The following KRT85 variants were observed in gnomAD, a reference collection of about 807,000 sequenced individuals.
KRT85 encodes keratin, type II cuticular Hb5.
Under a neutral mutation model 53.7 loss-of-function variants are expected in KRT85, and 39 were observed. That is an observed-to-expected ratio of 0.73 (90% CI 0.56 to 0.95). KRT85 has a LOEUF of 0.95. Ranked by LOEUF, KRT85 falls within the 40% of genes least tolerant of loss-of-function variation. KRT85 has a pLI of 0.00. For missense variants in KRT85, 668 were observed against 686.0 expected, an observed-to-expected ratio of 0.97 and a Z score of 0.29; for synonymous variants, 291 against 277.5, an observed-to-expected ratio of 1.05 and a Z score of -0.48.
At chr12:52,363,793 A>G (rs1214635688) in intron 4 of KRT85, among the ~76,000 whole-genome samples, 1 of 152,156 alleles carries the variant, frequency 6.6e-6, no homozygotes, top group Non-Finnish European at 1.5e-5. Flanking sequence ...TCTCTTGCCC[A>G]TCTGTAGACT....
intron 1 of KRT85, among the ~76,000 whole-genome samples, chr12:52,365,478 T>C (rs1433939538): frequency 6.6e-6 from 1 of 152,236 alleles, no homozygotes; most frequent in Admixed American, 6.5e-5. Context: ...CTTAGCACTG[T>C]TGTGAAGCTT....
chr12:52,363,535 C>T (rs1436093344), intron 4 of KRT85, 125 bp from the exon 5 acceptor site: 3 of 1,000,592 alleles, frequency 3.0e-6, no homozygotes, highest in Non-Finnish European at 3.1e-6. Context: ...ACTCCTGCTC[C>T]TACCACCTTC....
chr12:52,362,171 C>G, intron 7 of KRT85, 80 bp downstream of exon 7: 1 of 1,591,688 alleles, frequency 6.3e-7, no homozygotes, highest in Non-Finnish European at 8.6e-7. Flanking sequence ...AGTTGTAGCT[C>G]ACACTCAGCT....
In KRT85 at chr12:52,362,859, A is replaced by T; in HGVS notation, c.1072T>A (p.Cys358Ser). The change falls in exon 6 of 9, where the codon TGC becomes AGC. Residue 358 changes from cysteine to serine, a missense_variant. Cys to Ser is a moderately radical substitution (Grantham distance 112). Coordinates refer to ENST00000257901, the MANE Select transcript of KRT85 (RefSeq NM_002283.4). ...RLTAEIENAKCQRAKLEAAVA... is the reference protein window; with the variant it reads ...RLTAEIENAKSQRAKLEAAVA... ...GAATCCTCCACAGACCCCACCTGGC[A>T]CTTGGCATTCTCAATCTCGGCCGTC... 4.3e-6 allele frequency: 7 copies of T among 1,614,138 alleles called. No homozygotes were observed. Among genetic ancestry groups the T allele is most frequent in the Non-Finnish European group, 5.9e-6 (7 of 1,180,028 alleles).
rs553783315 is a variant in KRT85 at position 52,360,533 on chromosome 12, C to T, written c.*320G>A. The T allele has an allele frequency of 1.1e-4, 43 of 386,500 alleles. No individual in the cohort carries two copies. The East Asian group carries it at 1.8e-3, about 16-fold the overall frequency. 23.9% of individuals were successfully genotyped at this position (386,500 alleles called of 1,614,324 possible). Reference sequence around the variant, plus strand: ...GGTGGAGCTTCCGTGCTGACCACCACGCTGGGGGACTGGTCTTGTCCCTGA... The same window carrying T: ...GGTGGAGCTTCCGTGCTGACCACCATGCTGGGGGACTGGTCTTGTCCCTGA... On this transcript the variant is annotated 3_prime_UTR_variant, in exon 9 of 9. Transcript: ENST00000257901.
intron 8 of KRT85, 33 bp downstream of exon 8, chr12:52,361,434 A>G: frequency 6.2e-7 from 1 of 1,610,700 alleles, no homozygotes; most frequent in Non-Finnish European, 8.5e-7. Context: ...CAAAAAAGCC[A>G]TTTTTCCAGG....
Position 52,362,887 on chromosome 12 carries a change from C to A in KRT85, c.1044G>T (p.Arg348Ser). Reference sequence around the variant, plus strand: ...TGGCATTCTCAATCTCGGCCGTCAGCCTCTGGATCATGCGGTTCAGCTCGT... The same window carrying A: ...TGGCATTCTCAATCTCGGCCGTCAGACTCTGGATCATGCGGTTCAGCTCGT... ...EINELNRMIQ[R>S]LTAEIENAKC... The change falls in exon 6 of 9, where the codon AGG becomes AGT. Residue 348 changes from arginine to serine, a missense_variant. Arg to Ser is a moderately radical substitution (Grantham distance 110, BLOSUM62 -1). Around this residue, in one of 3 missense-constraint regions of KRT85, gnomAD observed 488 missense variants for 498.1 expected, o/e 0.98. Coordinates refer to ENST00000257901, the MANE Select transcript of KRT85 (RefSeq NM_002283.4). 1 of 1,614,182 alleles carries A rather than the reference C, an allele frequency of 6.2e-7. No individual in the cohort carries two copies. The highest frequency in any genetic ancestry group is 8.5e-7 in the Non-Finnish European group (1 of 1,180,040).
chr12:52,367,148 G>T lies in KRT85; in HGVS notation c.258C>A (p.Gly86=), dbSNP rs767201385. ...CGRSFGYRSG[G]VCGPSPPCIT... is the part of the protein sequence containing the mutation. ...TGCATGGGGGGCTGGGTCCGCACACGCCCCCGGAGCGGTAGCCGAAGCTGC... is the reference window on the plus strand; with the variant it reads ...TGCATGGGGGGCTGGGTCCGCACACTCCCCCGGAGCGGTAGCCGAAGCTGC... The change falls in exon 1 of 9, where the codon GGC becomes GGA. Residue 86 remains glycine (G), a synonymous_variant. Coordinates refer to ENST00000257901, the MANE Select transcript of KRT85 (RefSeq NM_002283.4). 6.2e-7 allele frequency: 1 copy of T among 1,613,498 alleles called. No individual in the cohort carries two copies. Among genetic ancestry groups the T allele is most frequent in the South Asian group, 1.1e-5 (1 of 91,048 alleles).
chr12:52,365,129 C>T lies in KRT85; in HGVS notation c.462G>A (p.Lys154=). 6.2e-7 allele frequency: 1 copy of T among 1,614,268 alleles called. No homozygotes were observed. The highest frequency in any genetic ancestry group is 1.7e-4 in the Middle Eastern group (1 of 6,046). ...LEQQNKLLET[K]WQFYQNQRCC... ...AGCGCTGGTTCTGGTAGAACTGCCA[C>T]TTGGTCTCCAGCAGCTTGTTCTGCT... Residue 154 remains lysine, a synonymous_variant, in exon 2 of 9, where the codon AAG becomes AAA. Coordinates refer to ENST00000257901, the MANE Select transcript of KRT85 (RefSeq NM_002283.4).
Position 52,360,994 on chromosome 12 carries a change from G to C in KRT85, c.1383C>G (p.Thr461=), listed in dbSNP as rs1939182664. The C allele has an allele frequency of 6.2e-7, 1 of 1,613,502 alleles. No homozygotes were observed. Among genetic ancestry groups the C allele is most frequent in the African/African-American group, 1.3e-5 (1 of 74,906 alleles). ...GVSCGGLSYS[T]TPGRQITSGP... is the part of the protein sequence containing the mutation. ...CAGAAGTGATCTGGCGCCCTGGGGT[G>C]GTGCTGTAGGAGAGGCCCCCACAGG... is the stretch of plus-strand genomic sequence containing the variant. The change falls in exon 9 of 9, where the codon ACC becomes ACG. Residue 461 remains threonine (T), a synonymous_variant. Coordinates refer to ENST00000257901, the MANE Select transcript of KRT85 (RefSeq NM_002283.4).
Position 52,365,106 on chromosome 12 carries a change from C to G in KRT85, c.485G>C (p.Arg162Pro). 1 of 1,614,218 alleles carries G rather than the reference C, an allele frequency of 6.2e-7. No individual in the cohort carries two copies. The highest frequency in any genetic ancestry group is 8.5e-7 in the Non-Finnish European group (1 of 1,180,048). The change falls in exon 2 of 9, where the codon CGC (arginine) becomes CCC (proline). Residue 162 changes from arginine (R) to proline (P), a missense_variant. Arg to Pro is a moderately radical substitution (Grantham distance 103, BLOSUM62 -2). Around this residue, in one of 3 missense-constraint regions of KRT85, gnomAD observed 488 missense variants for 498.1 expected, o/e 0.98. Transcript: ENST00000257901. ...TGGCTCCAGGTTGCTCTCGCAGCAG[C>G]GCTGGTTCTGGTAGAACTGCCACTT... The part of the protein sequence containing the change: ...ETKWQFYQNQ[R>P]CCESNLEPLF...
In KRT85 at chr12:52,361,042, G is replaced by T; in HGVS notation, c.1335C>A (p.Val445=). The T allele has an allele frequency of 6.2e-7, 1 of 1,610,854 alleles. No individual in the cohort carries two copies. Among genetic ancestry groups the T allele is most frequent in the South Asian group, 1.1e-5 (1 of 90,672 alleles). The change falls in exon 9 of 9, where the codon GTC becomes GTA. Residue 445 remains valine, a synonymous_variant. Coordinates refer to ENST00000257901, the MANE Select transcript of KRT85 (RefSeq NM_002283.4). ...CEGVGSVNVC[V]SSSRGGVSCG... is the part of the protein sequence containing the mutation. Reference sequence around the variant, plus strand: ...AGGAGACTCCACCACGGGAGCTGCTGACACCTGTGGAGAGAGGAGACATGG... The same window carrying T: ...AGGAGACTCCACCACGGGAGCTGCTTACACCTGTGGAGAGAGGAGACATGG...
intron 5 of KRT85, 117 bp from the exon 6 acceptor site, chr12:52,363,096 C>T: frequency 3.2e-6 from 5 of 1,547,112 alleles, no homozygotes; most frequent in Non-Finnish European, 4.4e-6. Flanking sequence ...ACATGGCAGT[C>T]CTGCCCTGCC....
rs372638250 is a variant in KRT85 at position 52,360,988 on chromosome 12, T to A, written c.1389A>T (p.Pro463=). Residue 463 remains proline (P), a synonymous_variant, in exon 9 of 9, where the codon CCA becomes CCT. Coordinates refer to ENST00000257901, the MANE Select transcript of KRT85 (RefSeq NM_002283.4). ...AGGGGCCAGAAGTGATCTGGCGCCC[T>A]GGGGTGGTGCTGTAGGAGAGGCCCC... ...SCGGLSYSTT[P]GRQITSGPSA... is the part of the protein sequence containing the mutation. 1.7e-5 allele frequency: 27 copies of A among 1,613,324 alleles called. No individual in the cohort carries two copies. The African/African-American group carries it at 3.1e-4, about 18-fold the overall frequency.
Position 52,360,789 on chromosome 12 carries a change from G to T in KRT85, c.*64C>A. On this transcript the variant is annotated 3_prime_UTR_variant, in exon 9 of 9. Coordinates refer to ENST00000257901, the MANE Select transcript of KRT85 (RefSeq NM_002283.4). ...GCAAGCACACATTTTCCATTCACAT[G>T]CCATTCAGTGCAGTGATGCAGGCAG... is the stretch of plus-strand genomic sequence containing the variant. 6.7e-7 allele frequency: 1 copy of T among 1,492,960 alleles called. No individual in the cohort carries two copies. The highest frequency in any genetic ancestry group is 9.3e-7 in the Non-Finnish European group (1 of 1,071,386). The allele number at this position is 1,492,960 out of a possible 1,614,324, so 92.5% of individuals were successfully genotyped here. A position where few individuals can be genotyped will look rare whatever the true frequency, so the allele number is the denominator to read the frequency against.
At chr12:52,365,830 C>T (rs987462821) in intron 1 of KRT85, among the ~76,000 whole-genome samples, 1 of 152,200 alleles carries the variant, frequency 6.6e-6, no homozygotes, top group African/African-American at 2.4e-5. Context: ...TTGAGATAGG[C>T]ATGCTCTGCC....
rs761415932 is a variant in KRT85, at chr12:52,365,053, G to T, written c.538C>A (p.Arg180=). 1.9e-6 allele frequency: 3 copies of T among 1,613,736 alleles called. No individual in the cohort carries two copies. The highest frequency in any genetic ancestry group is 2.2e-5 in the East Asian group (1 of 44,886). ...GCCTCCACGCACTCGGCCTCCCGCC[G>T]CAGAGTCTCGATGTAGCCACTGAAC... ...PLFSGYIETL[R]REAECVEADS... is the part of the protein sequence containing the mutation. Residue 180 remains arginine, a synonymous_variant, in exon 2 of 9, where the codon CGG becomes AGG. Transcript: ENST00000257901.
intron 1 of KRT85, among the ~76,000 whole-genome samples, chr12:52,366,018 C>A (rs1939266462): frequency 1.3e-5 from 2 of 152,196 alleles, no homozygotes; most frequent in African/African-American, 4.8e-5. Flanking sequence ...TGATCCTAGG[C>A]CCCCAAAGCT....
Position 52,364,987 on chromosome 12 carries a change from C to G in KRT85, c.604G>C (p.Glu202Gln). The change falls in exon 2 of 9, where the codon GAG becomes CAG. Residue 202 changes from glutamate to glutamine, a missense_variant. Around this residue, in one of 3 missense-constraint regions of KRT85, gnomAD observed 488 missense variants for 498.1 expected, o/e 0.98. Coordinates refer to ENST00000257901, the MANE Select transcript of KRT85 (RefSeq NM_002283.4). ...RLASELNHVQ[E>Q]VLEGYKKKYE... Reference sequence around the variant, plus strand: ...TTCTTCTTGTAGCCCTCCAGCACCTCCTGCACATGGTTGAGCTCTGAGGCC... The same window carrying G: ...TTCTTCTTGTAGCCCTCCAGCACCTGCTGCACATGGTTGAGCTCTGAGGCC... The G allele has an allele frequency of 6.2e-7, 1 of 1,612,910 alleles. No individual in the cohort carries two copies. Among genetic ancestry groups the G allele is most frequent in the Non-Finnish European group, 8.5e-7 (1 of 1,179,976 alleles).
Sources: allele counts gnomAD v4.1 joint callset (sites outside exome capture counted in the v4.1 genomes callset), GRCh38; gene constraint gnomAD v4.1.1; regional missense constraint gnomAD v4.1.1; transcripts MANE v1.5; gene names NCBI Gene and HGNC (gene_info 2026-07-23, HGNC 2026-07-21).